Variants in SHOC2 observed in about 807,000 individuals in gnomAD.
SHOC2 encodes the protein SHOC2 leucine rich repeat scaffold protein.
A neutral mutation model predicts 50.2 loss-of-function variants in SHOC2; 4 were observed. The observed-to-expected ratio is 0.08, with a 90% CI of 0.04 to 0.18. The LOEUF (loss-of-function observed/expected upper bound fraction) is 0.18. Among genes scored for constraint, SHOC2 ranks in the 10% least tolerant of loss-of-function variants. SHOC2 has a pLI of 1.00. For synonymous variants in SHOC2, 218 were observed against 244.5 expected (o/e 0.89, Z 1.01); for missense variants, 388 against 669.6 (o/e 0.58, Z 4.64).
intron 3 of SHOC2, among the ~76,000 whole-genome samples, chr10:110,995,351 G>A (rs1186413525): frequency 2.0e-5 from 3 of 152,218 alleles, no homozygotes; most frequent in East Asian, 3.8e-4. Flanking sequence ...AGTTTACAGA[G>A]AGGTCGGTAA....
chr10:111,008,842 G>A (rs1848516445), intron 6 of SHOC2, among the ~76,000 whole-genome samples: 1 of 152,042 alleles, frequency 6.6e-6, no homozygotes, highest in Non-Finnish European at 1.5e-5. Context: ...GATGCTTTCA[G>A]TGTAATAAGA....
intron 1 of SHOC2, among the ~76,000 whole-genome samples, chr10:110,963,221 T>A (rs1847604934): frequency 6.6e-6 from 1 of 152,226 alleles, no homozygotes; most frequent in Admixed American, 6.5e-5. Context: ...GACTGATTCC[T>A]TCCATAAATA....
intron 1 of SHOC2, among the ~76,000 whole-genome samples, chr10:110,949,992 G>C (rs887590138): frequency 6.6e-6 from 1 of 152,130 alleles, no homozygotes; most frequent in African/African-American, 2.4e-5. Flanking sequence ...TCAGGAAGAA[G>C]ACAAGGATTT....
chr10:110,970,059 A>G (rs1847750189), intron 2 of SHOC2, among the ~76,000 whole-genome samples: 1 of 152,188 alleles, frequency 6.6e-6, no homozygotes, highest in African/African-American at 2.4e-5. Context: ...CCTCCCTACT[A>G]GCTATTTGAA....
intron 3 of SHOC2, among the ~76,000 whole-genome samples, chr10:110,992,307 T>C (rs1276536896): frequency 2.0e-5 from 3 of 152,198 alleles, no homozygotes; most frequent in Non-Finnish European, 2.9e-5. Context: ...TTATAGTTTC[T>C]CTGATTTAAC....
chr10:110,973,695 A>G (rs1179549463), intron 2 of SHOC2, among the ~76,000 whole-genome samples: 1 of 151,932 alleles, frequency 6.6e-6, no homozygotes, highest in African/African-American at 2.4e-5. Flanking sequence ...TGTATGGACA[A>G]GTTTTGAATT....
At chr10:110,948,699 C>A (rs1350461191) in intron 1 of SHOC2, among the ~76,000 whole-genome samples, 1 of 152,088 alleles carries the variant, frequency 6.6e-6, no homozygotes, top group Non-Finnish European at 1.5e-5. Flanking sequence ...GGAAACACAA[C>A]ATAGCAAAAC....
At chr10:110,920,841 A>AT (rs1447689614) in intron 1 of SHOC2, among the ~76,000 whole-genome samples, 3 of 152,232 alleles carry the variant, frequency 2.0e-5, no homozygotes, top group African/African-American at 7.2e-5. Context: ...CTCCAGCGTG[A>AT]TAACTACCAG....
intron 3 of SHOC2, among the ~76,000 whole-genome samples, chr10:110,995,438 G>C (rs935137328): frequency 6.6e-6 from 1 of 152,202 alleles, no homozygotes; most frequent in Non-Finnish European, 1.5e-5. Flanking sequence ...TGCAGTCCAT[G>C]AGCACAACAG....
intron 1 of SHOC2, among the ~76,000 whole-genome samples, chr10:110,925,779 T>C (rs1407489405): frequency 6.6e-6 from 1 of 152,152 alleles, no homozygotes; most frequent in Non-Finnish European, 1.5e-5. Context: ...TAATTTAATA[T>C]TTCTTCCAGG....
intron 3 of SHOC2, among the ~76,000 whole-genome samples, chr10:110,991,606 C>T (rs1027938299): frequency 3.9e-5 from 6 of 152,100 alleles, no homozygotes; most frequent in African/African-American, 1.2e-4. Context: ...AGTCATTTAT[C>T]GATTACCATG....
Position 111,004,663 on chromosome 10 carries a change from C to A in SHOC2, c.1030C>A (p.Gln344Lys). 1 of 1,613,120 alleles carries A rather than the reference C, an allele frequency of 6.2e-7. No individual in the cohort carries two copies. The highest frequency in any genetic ancestry group is 8.5e-7 in the Non-Finnish European group (1 of 1,179,172). ...TTTGACCTTAGCTAGAAATTGCTTC[C>A]AGTTGTATCCAGTGGGTGGTCCATC... ...NSLTLARNCF[Q>K]LYPVGGPSQF... The change falls in exon 5 of 9, where the codon CAG becomes AAG. Residue 344 changes from glutamine (Q) to lysine (K), a missense_variant. By Grantham distance (53) the Gln-to-Lys change is moderately conservative. Transcript: ENST00000369452.
Position 111,007,537 on chromosome 10 carries a change from C to T in SHOC2, c.1168C>T (p.Gln390Ter). ...TTCTTTTTGTCTTTGCCAGGACAAT[C>T]AGTTAACATCACTTCCCTTGGATTT... ...VLSKLNMKDN[Q>*]LTSLPLDFGT... The change falls in exon 6 of 9, where the codon CAG becomes TAG. Residue 390 changes from glutamine to a stop codon, truncating the protein, a stop_gained. Coordinates refer to ENST00000369452, the MANE Select transcript of SHOC2 (RefSeq NM_007373.4). LOFTEE classifies it high-confidence loss of function. 1 of 1,613,574 alleles carries T rather than the reference C, an allele frequency of 6.2e-7. No individual in the cohort carries two copies. Among genetic ancestry groups the T allele is most frequent in the Non-Finnish European group, 8.5e-7 (1 of 1,179,658 alleles).
chr10:110,972,800 G>A (rs1432603802), intron 2 of SHOC2, among the ~76,000 whole-genome samples: 4 of 152,136 alleles, frequency 2.6e-5, no homozygotes, highest in South Asian at 2.1e-4. Context: ...TCTCGCCACT[G>A]TAGTCCAGCC....
At chr10:110,971,063 A>G (rs1372305016) in intron 2 of SHOC2, among the ~76,000 whole-genome samples, 1 of 151,784 alleles carries the variant, frequency 6.6e-6, no homozygotes, top group African/African-American at 2.4e-5. Context: ...AAATAATTCC[A>G]TTTGTCTATT....
intron 2 of SHOC2, among the ~76,000 whole-genome samples, chr10:110,978,975 A>G (rs1847924217): frequency 6.6e-6 from 1 of 152,258 alleles, no homozygotes; most frequent in South Asian, 2.1e-4. Context: ...TGTGTAACAA[A>G]TTACTCTAAA....
Position 110,964,754 on chromosome 10 carries a change from T to C in SHOC2, c.396T>C (p.Ser132=), listed in dbSNP as rs774862613. ...AATTAACAGAACTTTATTTATACAGTAACAAATTGCAGTCCCTCCCAGCAG... is the reference window on the plus strand; with the variant it reads ...AATTAACAGAACTTTATTTATACAGCAACAAATTGCAGTCCCTCCCAGCAG... ...LTQLTELYLY[S]NKLQSLPAEV... The change falls in exon 2 of 9, where the codon AGT becomes AGC. Residue 132 remains serine, a synonymous_variant. Transcript: ENST00000369452. The surrounding 1 kb of genome is among the most constrained non-coding windows in gnomAD (Gnocchi z 4.9). 1 of 1,614,088 alleles carries C rather than the reference T, an allele frequency of 6.2e-7. No homozygotes were observed. The highest frequency in any genetic ancestry group is 1.1e-5 in the South Asian group (1 of 91,078).
At position 111,007,399 on chromosome 10, in the gene SHOC2, C is replaced by T. The variant is rs1848489960; in HGVS notation, c.1162-132C>T. ...GAGTTTTCTGTTGCTGATTTTTTTTCTTTCTATATTTAAATATCAAAAAGG... is the reference window on the plus strand; with the variant it reads ...GAGTTTTCTGTTGCTGATTTTTTTTTTTTCTATATTTAAATATCAAAAAGG... On this transcript the variant is annotated intron_variant, in intron 5 of 8. Coordinates refer to ENST00000369452, the MANE Select transcript of SHOC2 (RefSeq NM_007373.4). 9 of 1,021,738 alleles carry T rather than the reference C, an allele frequency of 8.8e-6. No homozygotes were observed. In the Admixed American group the frequency reaches 2.0e-4, roughly 22 times the overall value. The allele number at this position is 1,021,738 out of a possible 1,614,324, so 63.3% of individuals were successfully genotyped here. A position where few individuals can be genotyped will look rare whatever the true frequency, so the allele number is the denominator to read the frequency against.
At chr10:110,972,674 G>A (rs201966428) in intron 2 of SHOC2, among the ~76,000 whole-genome samples, 17 of 152,016 alleles carry the variant, frequency 1.1e-4, no homozygotes, top group South Asian at 4.2e-4. Flanking sequence ...GCAAAACCCC[G>A]TCTCTACAAA....
Sources: allele counts gnomAD v4.1 joint callset (sites outside exome capture counted in the v4.1 genomes callset), GRCh38; gene constraint gnomAD v4.1.1; non-coding constraint Gnocchi (gnomAD v3.1); transcripts MANE v1.5; gene names NCBI Gene and HGNC (gene_info 2026-07-23, HGNC 2026-07-21).